The following LASP1 variants were observed in gnomAD, a reference collection of about 807,000 sequenced individuals.
LASP1 encodes LIM and SH3 domain protein 1.
Under a neutral mutation model 38.6 loss-of-function variants are expected in LASP1, and 10 were observed. The ratio of observed to expected loss-of-function variants is 0.26; its 90% confidence interval spans 0.16 to 0.44. The LOEUF is 0.44. LASP1 is among the 20% of genes least tolerant of loss of function. The probability of loss-of-function intolerance (pLI) is 1.00; values close to 1 mark genes in which losing one functional copy is unlikely to be tolerated. For synonymous variants in LASP1, 132 were observed against 140.8 expected (o/e 0.94, Z 0.44); for missense variants, 243 against 375.7 (o/e 0.65, Z 2.92).
chr17:38,886,861 C>T (rs1914155750), intron 2 of LASP1, among the ~76,000 whole-genome samples: 1 of 152,078 alleles, frequency 6.6e-6, no homozygotes, highest in Non-Finnish European at 1.5e-5. Flanking sequence ...GTCAGGTGCA[C>T]CTGTCTGGCG....
At chr17:38,902,064 G>C (rs1338983806) in intron 4 of LASP1, among the ~76,000 whole-genome samples, 8 of 151,738 alleles carry the variant, frequency 5.3e-5, no homozygotes, top group Middle Eastern at 3.4e-3. Flanking sequence ...ACCGAGCCCA[G>C]CCTATTTTTA....
At chr17:38,884,207 G>A (rs865785590) in intron 2 of LASP1, among the ~76,000 whole-genome samples, 2 of 151,940 alleles carry the variant, frequency 1.3e-5, no homozygotes, top group African/African-American at 4.8e-5. Context: ...CCTGGAGTGT[G>A]GCTGATGGCA....
At chr17:38,914,677 GACACACAC>G (rs10599326) in intron 5 of LASP1, among the ~76,000 whole-genome samples, 1,682 of 146,576 alleles carry the variant, frequency 0.011, 29 homozygotes, top group African/African-American at 0.036. Context: ...GCGAGAGACA[GACACACAC>G]ACACACACAC....
intron 1 of LASP1, among the ~76,000 whole-genome samples, chr17:38,871,540 C>T (rs181032527): frequency 1.3e-5 from 2 of 152,128 alleles, no homozygotes; most frequent in East Asian, 3.9e-4. Context: ...GGGTATAGAG[C>T]CCTGGGGCCA....
chr17:38,910,258 C>CT (rs1293151444), intron 4 of LASP1, among the ~76,000 whole-genome samples: 1 of 152,168 alleles, frequency 6.6e-6, no homozygotes, highest in Non-Finnish European at 1.5e-5. Context: ...TAGGAGGTAT[C>CT]TCAGGCTTTG....
chr17:38,917,774 T>C (rs554389442), intron 6 of LASP1, among the ~76,000 whole-genome samples: 4 of 152,088 alleles, frequency 2.6e-5, no homozygotes, highest in Non-Finnish European at 5.9e-5. Flanking sequence ...ACTGCAGCCT[T>C]AACCTCCTGG....
chr17:38,875,688 T>TG (rs1178292973), intron 1 of LASP1, among the ~76,000 whole-genome samples: 1 of 152,176 alleles, frequency 6.6e-6, no homozygotes, highest in African/African-American at 2.4e-5. Flanking sequence ...GAAATTACCC[T>TG]GGGGGTCTCT....
chr17:38,890,685 G>A (rs1029728358), intron 3 of LASP1, among the ~76,000 whole-genome samples, 181 bp downstream of exon 3: 2 of 152,174 alleles, frequency 1.3e-5, no homozygotes, highest in African/African-American at 4.8e-5. Context: ...GCAGGGTAGA[G>A]CGTTCTCCCA....
chr17:38,919,966 C>T lies in LASP1; in HGVS notation c.*1188C>T. The T allele has an allele frequency of 1.9e-6, 1 of 534,962 alleles. No individual in the cohort carries two copies. Among genetic ancestry groups the T allele is most frequent in the Non-Finnish European group, 3.6e-6 (1 of 276,710 alleles). The allele number at this position is 534,962 out of a possible 1,614,324, so 33.1% of individuals were successfully genotyped here. ...GTTATGTGAGGGTATGAAGAGCTGT[C>T]TTCCCCTGAGAGTTTCCTCAGAACC... On this transcript the variant is annotated 3_prime_UTR_variant, in exon 7 of 7. Transcript: ENST00000318008.
At chr17:38,896,989 G>A (rs552122415) in intron 3 of LASP1, 22 of 985,408 alleles carry the variant, frequency 2.2e-5, no homozygotes, top group South Asian at 4.7e-5. Flanking sequence ...TACCTTCCCC[G>A]ATGCCCGCTT....
chr17:38,917,680 T>C (rs1915171888), intron 6 of LASP1, among the ~76,000 whole-genome samples: 2 of 151,898 alleles, frequency 1.3e-5, no homozygotes, highest in African/African-American at 4.8e-5. Context: ...GCATGTTTTT[T>C]CTGTTTTTTT....
rs1205283629 is a variant in LASP1 at position 38,921,523 on chromosome 17, C to A, written c.*2745C>A. The A allele has an allele frequency of 8.6e-6, 2 of 232,726 alleles. No individual in the cohort carries two copies. Among genetic ancestry groups the A allele is most frequent in the African/African-American group, 4.4e-5 (2 of 45,246 alleles). The allele number at this position is 232,726 out of a possible 1,614,324, so 14.4% of individuals were successfully genotyped here. A position where few individuals can be genotyped will look rare whatever the true frequency, so the allele number is the denominator to read the frequency against. ...ATTTAAAAAGAAACAGAAATGACCA[C>A]GTGAAATTTGCCTCTGTCCAAACAT... is the stretch of plus-strand genomic sequence containing the variant. On this transcript the variant is annotated 3_prime_UTR_variant, in exon 7 of 7. Coordinates refer to ENST00000318008, the MANE Select transcript of LASP1 (RefSeq NM_006148.4).
chr17:38,870,517 CG>C (rs1913569238), intron 1 of LASP1, among the ~76,000 whole-genome samples: 1 of 152,094 alleles, frequency 6.6e-6, no homozygotes, highest in Non-Finnish European at 1.5e-5. Flanking sequence ...GTTGGGAGGA[CG>C]GGAGAGGAGC....
At chr17:38,888,913 C>T (rs1460806140) in intron 2 of LASP1, among the ~76,000 whole-genome samples, 8 of 152,154 alleles carry the variant, frequency 5.3e-5, no homozygotes, top group East Asian at 3.9e-4. Flanking sequence ...TGGAAATTGG[C>T]GGCTAAGTTC....
intron 3 of LASP1, among the ~76,000 whole-genome samples, chr17:38,897,505 A>C (rs185616759): frequency 2.4e-3 from 372 of 152,338 alleles, no homozygotes; most frequent in Non-Finnish European, 3.9e-3. Context: ...TTCCTGTTCC[A>C]TGAGTTTTCT....
At chr17:38,906,467 T>G (rs1333882790) in intron 4 of LASP1, among the ~76,000 whole-genome samples, 1 of 152,052 alleles carries the variant, frequency 6.6e-6, no homozygotes, top group East Asian at 1.9e-4. Context: ...AGGTGGAGGT[T>G]GCAGTGAGCT....
chr17:38,877,341 G>A (rs370529063), intron 1 of LASP1, among the ~76,000 whole-genome samples: 1 of 152,228 alleles, frequency 6.6e-6, no homozygotes. Flanking sequence ...CTATAGGGGT[G>A]TCCACCTTCA....
intron 4 of LASP1, chr17:38,898,897 C>A (rs117070926): frequency 5.2e-6 from 2 of 381,550 alleles, no homozygotes; most frequent in East Asian, 1.4e-4. Flanking sequence ...CCCTGGTCTG[C>A]GCCTGGGTGC....
chr17:38,873,408 C>T (rs1037258246), intron 1 of LASP1, among the ~76,000 whole-genome samples: 4 of 152,294 alleles, frequency 2.6e-5, no homozygotes, highest in African/African-American at 7.2e-5. Context: ...CTCTTGTAAA[C>T]GATGCACTCC....
Sources: allele counts gnomAD v4.1 joint callset (sites outside exome capture counted in the v4.1 genomes callset), GRCh38; gene constraint gnomAD v4.1.1; transcripts MANE v1.5; gene names NCBI Gene and HGNC (gene_info 2026-07-23, HGNC 2026-07-21).